The following SRRM4 variants were observed in gnomAD, a reference collection of about 807,000 sequenced individuals.
The protein encoded by SRRM4 is serine/arginine repetitive matrix 4.
SRRM4 carries 33 observed loss-of-function variants against 68.9 expected under a neutral mutation model. That is an observed-to-expected ratio of 0.48 (90% CI 0.36 to 0.64). The LOEUF is 0.64. Ranked by LOEUF, SRRM4 falls within the 30% of genes least tolerant of loss-of-function variation. The pLI is 0.00. For synonymous variants in SRRM4, 318 were observed against 318.8 expected, an observed-to-expected ratio of 1.00 and a Z score of 0.03; for missense variants, 817 against 827.1, an observed-to-expected ratio of 0.99 and a Z score of 0.15.
rs1339690683 is a variant in SRRM4, at chr12:119,157,605, T to C, written c.*807T>C. 3 of 152,330 alleles carry C rather than the reference T, an allele frequency of 2.0e-5. No homozygotes were observed. Among genetic ancestry groups the C allele is most frequent in the Non-Finnish European group, 2.9e-5 (2 of 68,170 alleles). 9.4% of individuals were successfully genotyped at this position (152,330 alleles called of 1,614,324 possible). A position where few individuals can be genotyped will look rare whatever the true frequency, so the allele number is the denominator to read the frequency against. ...CCCTGCAACCTCACGAGAAAGGAGATAGTGGAAGAGTCAGGACAGGTTGGT... is the reference window on the plus strand; with the variant it reads ...CCCTGCAACCTCACGAGAAAGGAGACAGTGGAAGAGTCAGGACAGGTTGGT... On this transcript the variant is annotated 3_prime_UTR_variant, in exon 13 of 13. Transcript: ENST00000267260. The surrounding 1 kb of genome is among the most constrained non-coding windows in gnomAD (Gnocchi z 4.1).
intron 7 of SRRM4, among the ~76,000 whole-genome samples, chr12:119,128,750 C>T (rs560915396): frequency 5.9e-5 from 9 of 152,306 alleles, no homozygotes; most frequent in East Asian, 1.9e-4. Context: ...TCACCTACAC[C>T]CCAGGCTGAA....
At chr12:119,125,509 T>C (rs1446732225) in intron 7 of SRRM4, 30 bp downstream of exon 7, 2 of 1,595,192 alleles carry the variant, frequency 1.3e-6, no homozygotes, top group Non-Finnish European at 1.7e-6. Context: ...TCCTCTTCTG[T>C]CAGCCACAGC....
At position 119,132,144 on chromosome 12, in the gene SRRM4, G is replaced by A. The variant is rs183909454; in HGVS notation, c.771+1310G>A. Among the ~76,000 whole-genome samples the A allele has an allele frequency of 3.6e-3, 548 of 152,278 alleles. 1 individual carries two copies. The highest frequency in any genetic ancestry group is 6.4e-3 in the Non-Finnish European group (436 of 68,028). On this transcript the variant is annotated intron_variant, in intron 8 of 12. Coordinates refer to ENST00000267260, the MANE Select transcript of SRRM4 (RefSeq NM_194286.4). Reference sequence around the variant, plus strand: ...CTCCTTCTTGGTAGAGATGTCTGTGGTTACTGAGTCCTTGCAGATGGCAAA... The same window carrying A: ...CTCCTTCTTGGTAGAGATGTCTGTGATTACTGAGTCCTTGCAGATGGCAAA...
chr12:119,149,911 G>A (rs1954428181), intron 9 of SRRM4, among the ~76,000 whole-genome samples: 1 of 152,150 alleles, frequency 6.6e-6, no homozygotes, highest in African/African-American at 2.4e-5. Context: ...CCTAACAGAG[G>A]TCAGCCTGGC....
intron 1 of SRRM4, among the ~76,000 whole-genome samples, chr12:119,082,786 A>G (rs1953956791): frequency 6.6e-6 from 1 of 152,178 alleles, no homozygotes; most frequent in Non-Finnish European, 1.5e-5. Context: ...GATGTCAGAA[A>G]AGCAGGGCTC....
At position 119,158,963 on chromosome 12, in the gene SRRM4, GGTTTT is replaced by G. The variant is rs1341571956; in HGVS notation, c.*2168_*2172del. 1.4e-5 allele frequency: 2 copies of G among 142,016 alleles called. No homozygotes were observed. The highest frequency in any genetic ancestry group is 3.0e-5 in the Non-Finnish European group (2 of 66,102). 8.8% of individuals were successfully genotyped at this position (142,016 alleles called of 1,614,324 possible). On this transcript the variant is annotated 3_prime_UTR_variant, in exon 13 of 13. Transcript: ENST00000267260. ...GTATTGAATTATTTATTTATACAGA[GGTTTT>G]GTGTGTGTGTGTGTGTGTGTGTGTG...
chr12:119,130,699 G>A lies in SRRM4; in HGVS notation c.636G>A (p.Glu212=). The change falls in exon 8 of 13, where the codon GAG becomes GAA. Residue 212 remains glutamate (E), a synonymous_variant. Coordinates refer to ENST00000267260, the MANE Select transcript of SRRM4 (RefSeq NM_194286.4). ...CCAGGCACCGCGGCCGGTCCCCTGA[G>A]GAAGGGCAGAAGTCCCGCCGAAGGC... The part of the protein sequence containing the change: ...CESRHRGRSP[E]EGQKSRRRHS... 4.3e-6 allele frequency: 7 copies of A among 1,611,198 alleles called. No homozygotes were observed. Among genetic ancestry groups the A allele is most frequent in the Non-Finnish European group, 5.9e-6 (7 of 1,179,662 alleles).
chr12:119,079,285 C>T (rs1953933916), intron 1 of SRRM4, among the ~76,000 whole-genome samples: 1 of 152,128 alleles, frequency 6.6e-6, no homozygotes, highest in Non-Finnish European at 1.5e-5. Flanking sequence ...TGTCTGGCCT[C>T]CTGAGCCACA....
intron 1 of SRRM4, among the ~76,000 whole-genome samples, chr12:119,095,071 C>A (rs1284065979): frequency 6.6e-6 from 1 of 152,210 alleles, no homozygotes; most frequent in South Asian, 2.1e-4. Context: ...CTTTTTCAAG[C>A]CACAATGGCA....
intron 1 of SRRM4, chr12:118,994,251 T>C (rs761238458): frequency 3.3e-5 from 5 of 152,218 alleles, no homozygotes; most frequent in African/African-American, 4.8e-5. Context: ...TGTTCCACCT[T>C]GGCTCTATAG....
intron 1 of SRRM4, among the ~76,000 whole-genome samples, chr12:118,985,122 C>A (rs1270050005): frequency 6.6e-6 from 1 of 152,184 alleles, no homozygotes; most frequent in African/African-American, 2.4e-5. Context: ...ACCCATTTCT[C>A]CCCCAAGTAA....
chr12:119,118,461 G>A (rs1368092212), intron 4 of SRRM4, among the ~76,000 whole-genome samples: 1 of 152,210 alleles, frequency 6.6e-6, no homozygotes, highest in Non-Finnish European at 1.5e-5. Flanking sequence ...CTCAGTGCTG[G>A]TTGCTAGAGT....
At position 119,162,190 on chromosome 12, in the gene SRRM4, G is replaced by A. The variant is rs1406628212; in HGVS notation, c.*5392G>A. ...TCTTCTGCTGACTGCAGATTAAAGGGTGTCAACCAAGGAAGGAAACAAAAA... is the reference window on the plus strand; with the variant it reads ...TCTTCTGCTGACTGCAGATTAAAGGATGTCAACCAAGGAAGGAAACAAAAA... On this transcript the variant is annotated 3_prime_UTR_variant, in exon 13 of 13. Transcript: ENST00000267260. 2.0e-5 allele frequency: 3 copies of A among 152,140 alleles called. No individual in the cohort carries two copies. The highest frequency in any genetic ancestry group is 4.4e-5 in the Non-Finnish European group (3 of 68,032). The allele number at this position is 152,140 out of a possible 1,614,324, so 9.4% of individuals were successfully genotyped here.
rs80249123 is a variant in SRRM4, at chr12:118,985,430, C to T, written c.131+3417C>T. Among the ~76,000 whole-genome samples the T allele has an allele frequency of 3.9e-3, 601 of 152,224 alleles. 1 individual carries two copies. Among genetic ancestry groups the T allele is most frequent in the African/African-American group, 0.014 (566 of 41,524 alleles). On this transcript the variant is annotated intron_variant, in intron 1 of 12. Coordinates refer to ENST00000267260, the MANE Select transcript of SRRM4 (RefSeq NM_194286.4). Reference sequence around the variant, plus strand: ...TTGAAAAATCACAATTTTAATCCCACGGTTTCATCAAATCTACAGTGACTA... The same window carrying T: ...TTGAAAAATCACAATTTTAATCCCATGGTTTCATCAAATCTACAGTGACTA...
chr12:119,038,001 T>C (rs1013535583), intron 1 of SRRM4, among the ~76,000 whole-genome samples: 1 of 152,104 alleles, frequency 6.6e-6, no homozygotes, highest in Non-Finnish European at 1.5e-5. Flanking sequence ...TTAATAATGC[T>C]ATTATATCTA....
Position 119,073,446 on chromosome 12 carries a change from GC to G in SRRM4, c.132-28788del, listed in dbSNP as rs1953890326. Among the ~76,000 whole-genome samples, 6 of 151,656 alleles carry G rather than the reference GC, an allele frequency of 4.0e-5. 1 individual carries two copies. Among genetic ancestry groups the G allele is most frequent in the Admixed American group, 3.9e-4 (6 of 15,210 alleles). On this transcript the variant is annotated intron_variant, in intron 1 of 12. Transcript: ENST00000267260. The stretch of plus-strand genomic sequence containing the variant: ...GGATTCAAGCGATTCTTCTTTCTGA[GC>G]CTCCCGAGTAGCTGAGATTACAGGC...
intron 1 of SRRM4, among the ~76,000 whole-genome samples, chr12:119,089,130 C>T (rs1489005171): frequency 1.3e-5 from 2 of 152,072 alleles, no homozygotes; most frequent in Admixed American, 1.3e-4. Context: ...TTAAAGAGAG[C>T]CCATATGAGA....
At chr12:119,119,217 C>T (rs539350106) in intron 4 of SRRM4, among the ~76,000 whole-genome samples, 13 of 151,894 alleles carry the variant, frequency 8.6e-5, no homozygotes, top group East Asian at 1.9e-4. Flanking sequence ...GCACATCCTG[C>T]GTATGTACCC....
chr12:119,121,014 A>G (rs1041031518), intron 5 of SRRM4, among the ~76,000 whole-genome samples: 2 of 152,240 alleles, frequency 1.3e-5, no homozygotes, highest in African/African-American at 4.8e-5. Context: ...TTGGTTGCCA[A>G]TGTCCTCTGT....
Sources: gnomAD v4.1 joint callset for allele counts (sites outside exome capture counted in the v4.1 genomes callset) on GRCh38, gnomAD v4.1.1 for gene constraint, Gnocchi (gnomAD v3.1) non-coding constraint, MANE v1.5 for transcripts, NCBI Gene and HGNC (gene_info 2026-07-23, HGNC 2026-07-21) for gene names.